EVL: variants seen among roughly 807,000 people sequenced by gnomAD.
The protein encoded by EVL is ena/VASP-like protein.
Under a neutral mutation model 59.6 loss-of-function variants are expected in EVL, and 21 were observed. The ratio of observed to expected loss-of-function variants is 0.35; its 90% CI spans 0.25 to 0.51. EVL has a LOEUF of 0.51. Ranked by LOEUF, EVL falls within the 20% of genes least tolerant of loss-of-function variation. EVL has a pLI of 0.97. For missense variants in EVL, 462 were observed against 546.6 expected (o/e 0.85, Z 1.54); for synonymous variants, 198 against 203.5 (o/e 0.97, Z 0.23).
Position 100,099,065 on chromosome 14 carries a change from A to G in EVL, c.358+1407A>G, listed in dbSNP as rs184110138. Reference sequence around the variant, plus strand: ...TGGCATTTAAATATCTACTGGCGCCAGGCGTGGTGGCTCAGGCCTATAATC... The same window carrying G: ...TGGCATTTAAATATCTACTGGCGCCGGGCGTGGTGGCTCAGGCCTATAATC... On this transcript the variant is annotated intron_variant, in intron 3 of 13. Coordinates refer to ENST00000392920, the MANE Select transcript of EVL (RefSeq NM_016337.3). Among the ~76,000 whole-genome samples, 486 of 151,296 alleles carry G rather than the reference A, an allele frequency of 3.2e-3. 2 individuals are homozygous for G. The highest frequency in any genetic ancestry group is 0.012 in the African/African-American group (481 of 41,136).
chr14:100,136,456 T>C (rs1295970585), intron 9 of EVL, among the ~76,000 whole-genome samples: 1 of 152,182 alleles, frequency 6.6e-6, no homozygotes, highest in African/African-American at 2.4e-5. Context: ...GTCTAAGCTG[T>C]GGCAGATGGG....
intron 3 of EVL, among the ~76,000 whole-genome samples, chr14:100,113,184 G>C (rs1051112732): frequency 6.6e-6 from 1 of 152,096 alleles, no homozygotes; most frequent in East Asian, 1.9e-4. Context: ...CGGCACAGAG[G>C]CATGTGAACC....
chr14:100,139,190 A>C (rs1206746578), intron 11 of EVL: 3 of 152,234 alleles, frequency 2.0e-5, no homozygotes, highest in African/African-American at 7.2e-5. Context: ...GGACTCCGCC[A>C]CGTCCTGCTG....
chr14:100,056,708 C>G (rs1357156142), intron 1 of EVL, among the ~76,000 whole-genome samples: 1 of 152,148 alleles, frequency 6.6e-6, no homozygotes, highest in Admixed American at 6.5e-5. Flanking sequence ...GGGAGTACCT[C>G]AGGGCAGGGT....
At chr14:100,046,902 GCCA>G (rs1355486897) in intron 1 of EVL, among the ~76,000 whole-genome samples, 23 of 150,932 alleles carry the variant, frequency 1.5e-4, no homozygotes, top group Non-Finnish European at 2.8e-4. Flanking sequence ...ACAGGTGCCT[GCCA>G]CCACGCCCAG....
In EVL at chr14:100,128,591, C is replaced by A; in HGVS notation, c.560C>A (p.Pro187His). 5 of 1,527,560 alleles carry A rather than the reference C, an allele frequency of 3.3e-6. No individual in the cohort carries two copies. The highest frequency in any genetic ancestry group is 4.5e-6 in the Non-Finnish European group (5 of 1,112,470). The allele number at this position is 1,527,560 out of a possible 1,614,324, so 94.6% of individuals were successfully genotyped here. The stretch of plus-strand genomic sequence containing the variant: ...GTCTCATGTAGTGGGCCTCCACCGC[C>A]CCCCCCACCCCCAGTCCCACCTCCA... Reference protein sequence around the residue: ...APVSCSGPPPPPPPPVPPPPT... With the variant: ...APVSCSGPPPHPPPPVPPPPT... Residue 187 changes from proline (P) to histidine (H), a missense_variant, in exon 6 of 14, where the codon CCC becomes CAC. By Grantham distance (77) the Pro-to-His change is moderately conservative. Coordinates refer to ENST00000392920, the MANE Select transcript of EVL (RefSeq NM_016337.3).
chr14:100,049,170 T>G (rs971360596), intron 1 of EVL, among the ~76,000 whole-genome samples: 1 of 152,236 alleles, frequency 6.6e-6, no homozygotes, highest in Admixed American at 6.5e-5. Context: ...ATTTGATTTG[T>G]AATTAACCAA....
intron 1 of EVL, among the ~76,000 whole-genome samples, chr14:100,079,819 T>G (rs953392972): frequency 3.9e-5 from 6 of 152,144 alleles, no homozygotes; most frequent in African/African-American, 1.4e-4. Context: ...GAGCCTGAAC[T>G]TTTCCAGAAG....
chr14:100,058,689 C>G (rs1197840977), intron 1 of EVL, among the ~76,000 whole-genome samples: 1 of 151,918 alleles, frequency 6.6e-6, no homozygotes, highest in Non-Finnish European at 1.5e-5. Flanking sequence ...ACACCAGGGT[C>G]AAAGTAGAGA....
chr14:100,127,583 C>T lies in EVL; in HGVS notation c.487+812C>T, dbSNP rs1595232199. ...CGTCCCTTCCCCATCACTCTTGGAA[C>T]AGCCTGTGCCTGCCCTCTCTCCCTC... is the stretch of plus-strand genomic sequence containing the variant. On this transcript the variant is annotated intron_variant, in intron 5 of 13. Transcript: ENST00000392920. The surrounding 1 kb of genome is among the most constrained non-coding windows in gnomAD (Gnocchi z 4.2). 3.3e-5 allele frequency among the ~76,000 whole-genome samples: 5 copies of T among 152,320 alleles called. 1 individual carries two copies. Among genetic ancestry groups the T allele is most frequent in the African/African-American group, 2.4e-5 (1 of 41,562 alleles).
chr14:100,126,660 T>G, intron 4 of EVL, 47 bp from the exon 5 acceptor site: 1 of 1,603,384 alleles, frequency 6.2e-7, no homozygotes, highest in Non-Finnish European at 8.5e-7. Flanking sequence ...AGTGTGGTGG[T>G]CTCCAGAGTG....
intron 1 of EVL, among the ~76,000 whole-genome samples, chr14:99,981,030 T>C (rs111337190): frequency 0.075 from 11,438 of 151,710 alleles, 532 homozygotes; most frequent in Non-Finnish European, 0.1. Context: ...AGGCCAAAAG[T>C]TTGAGACCGG....
At chr14:100,022,481 T>C (rs1386840656) in intron 1 of EVL, among the ~76,000 whole-genome samples, 1 of 152,126 alleles carries the variant, frequency 6.6e-6, no homozygotes, top group Non-Finnish European at 1.5e-5. Flanking sequence ...GGTTTCACCA[T>C]GTTGGCCAGG....
chr14:100,105,318 G>C (rs1289778867), intron 3 of EVL, among the ~76,000 whole-genome samples: 1 of 152,014 alleles, frequency 6.6e-6, no homozygotes, highest in East Asian at 1.9e-4. Context: ...TTCACCTTTT[G>C]AATCTCAGCA....
At chr14:100,086,025 A>G (rs1025905889) in intron 2 of EVL, among the ~76,000 whole-genome samples, 6 of 152,154 alleles carry the variant, frequency 3.9e-5, no homozygotes, top group South Asian at 2.1e-4. Context: ...GCTACTTGTG[A>G]GGCTGAGGCA....
rs144419602 is a variant in EVL, at chr14:100,129,620, C to T, written c.775C>T (p.Arg259Trp). The T allele has an allele frequency of 1.2e-4, 190 of 1,613,086 alleles. No homozygotes were observed. In the African/African-American group the frequency reaches 1.9e-3, roughly 16 times the overall value. Reference sequence around the variant, plus strand: ...TGGGACCTCAAAGTCCGATGCCAACCGGGCAAGCAGCGGGGGTGGCGGAGG... The same window carrying T: ...TGGGACCTCAAAGTCCGATGCCAACTGGGCAAGCAGCGGGGGTGGCGGAGG... Reference protein sequence around the residue: ...PSGTSKSDANRASSGGGGGGL... With the variant: ...PSGTSKSDANWASSGGGGGGL... The change falls in exon 7 of 14, where the codon CGG (arginine) becomes TGG (tryptophan). Residue 259 changes from arginine to tryptophan, a missense_variant. By Grantham distance (101) the Arg-to-Trp change is moderately radical (BLOSUM62 -3). Transcript: ENST00000392920.
At chr14:100,001,704 C>T (rs557903408) in intron 1 of EVL, among the ~76,000 whole-genome samples, 42 of 152,322 alleles carry the variant, frequency 2.8e-4, no homozygotes, top group African/African-American at 9.9e-4. Context: ...TAACCTGGGG[C>T]TCCTGGGCCT....
chr14:100,107,257 G>A lies in EVL; in HGVS notation c.358+9599G>A, dbSNP rs564234585. The stretch of plus-strand genomic sequence containing the variant: ...ATTACTCCAGGAGAGCAGGGCCCTG[G>A]TGGCACTTGAGGCAAGACCCCAAGC... On this transcript the variant is annotated intron_variant, in intron 3 of 13. Transcript: ENST00000392920. 1.3e-5 allele frequency: 5 copies of A among 398,714 alleles called. No individual in the cohort carries two copies. The South Asian group carries it at 3.8e-4, about 30-fold the overall frequency. 24.7% of individuals were successfully genotyped at this position (398,714 alleles called of 1,614,324 possible).
At chr14:100,134,543 G>A (rs1888646463) in intron 8 of EVL, 1 of 152,158 alleles carries the variant, frequency 6.6e-6, no homozygotes, top group Non-Finnish European at 1.5e-5. Flanking sequence ...AAGAGAGCAG[G>A]GCCTTCAGAA....
Sources: gnomAD v4.1 joint callset for allele counts (sites outside exome capture counted in the v4.1 genomes callset) on GRCh38, gnomAD v4.1.1 for gene constraint, Gnocchi (gnomAD v3.1) non-coding constraint, MANE v1.5 for transcripts, NCBI Gene and HGNC (gene_info 2026-07-23, HGNC 2026-07-21) for gene names.